The following CDH10 variants were observed in gnomAD, a reference collection of about 807,000 sequenced individuals.
The protein encoded by CDH10 is cadherin-10.
CDH10 carries 30 observed loss-of-function variants against 73.1 expected under a neutral mutation model. That is an observed-to-expected ratio of 0.41 (90% CI 0.31 to 0.56). The LOEUF is 0.56. Ranked by LOEUF, CDH10 falls within the 20% of genes least tolerant of loss-of-function variation. The pLI, the probability that CDH10 is intolerant of heterozygous loss-of-function variation, is 0.27. For missense variants in CDH10, 815 were observed against 973.7 expected (o/e 0.84, Z 2.17); for synonymous variants, 345 against 348.2 (o/e 0.99, Z 0.10).
chr5:24,529,880 T>G (rs1743669180), intron 5 of CDH10, among the ~76,000 whole-genome samples: 2 of 152,094 alleles, frequency 1.3e-5, no homozygotes, highest in South Asian at 4.2e-4. Flanking sequence ...AGCATGATTC[T>G]ATAAAAGCCA....
intron 7 of CDH10, among the ~76,000 whole-genome samples, chr5:24,509,240 CTTTTT>C (rs35903930): frequency 1.2e-5 from 1 of 85,326 alleles, no homozygotes; most frequent in Non-Finnish European, 2.0e-5. Flanking sequence ...CTCCTTTTTC[CTTTTT>C]TTTTTTTTTT....
At chr5:24,521,127 ACT>A (rs1482046261) in intron 5 of CDH10, among the ~76,000 whole-genome samples, 1 of 152,092 alleles carries the variant, frequency 6.6e-6, no homozygotes. Flanking sequence ...AGCAACAAAA[ACT>A]CAAACTCAAA....
At chr5:24,521,861 C>A (rs1743344547) in intron 5 of CDH10, among the ~76,000 whole-genome samples, 1 of 151,858 alleles carries the variant, frequency 6.6e-6, no homozygotes, top group Non-Finnish European at 1.5e-5. Context: ...GTAGGCCGTG[C>A]CAGGTGGCTC....
At chr5:24,554,527 C>A in intron 2 of CDH10, among the ~76,000 whole-genome samples, 1 of 122,324 alleles carries the variant, frequency 8.2e-6, no homozygotes, top group South Asian at 2.5e-4. Flanking sequence ...TGTGCACGTG[C>A]ATGATTTTTC....
intron 1 of CDH10, among the ~76,000 whole-genome samples, chr5:24,595,242 A>G (rs1746331235): frequency 1.3e-5 from 2 of 151,906 alleles, no homozygotes; most frequent in Non-Finnish European, 2.9e-5. Context: ...CTAATATGGC[A>G]ATGCATTATA....
chr5:24,560,771 C>T (rs1377756473), intron 2 of CDH10, among the ~76,000 whole-genome samples: 1 of 152,006 alleles, frequency 6.6e-6, no homozygotes, highest in Non-Finnish European at 1.5e-5. Flanking sequence ...CAACTTCAGC[C>T]TTTAAAATGT....
chr5:24,496,210 T>C (rs1038822057), intron 9 of CDH10, among the ~76,000 whole-genome samples: 1 of 152,170 alleles, frequency 6.6e-6, no homozygotes, highest in Non-Finnish European at 1.5e-5. Context: ...AAGGGAAATA[T>C]AAGCAGCATA....
chr5:24,505,984 C>T (rs149536493), intron 7 of CDH10, among the ~76,000 whole-genome samples: 2,216 of 151,878 alleles, frequency 0.015, 52 homozygotes, highest in African/African-American at 0.047. Flanking sequence ...TGTGGTGGCA[C>T]GTGCCTGTAG....
At chr5:24,522,872 A>T (rs182879803) in intron 5 of CDH10, among the ~76,000 whole-genome samples, 3 of 152,196 alleles carry the variant, frequency 2.0e-5, no homozygotes, top group African/African-American at 7.2e-5. Flanking sequence ...TTAACAGTAT[A>T]GCATTTTTGA....
intron 2 of CDH10, among the ~76,000 whole-genome samples, chr5:24,557,339 T>C (rs1847842): frequency 0.83 from 125,355 of 151,346 alleles, 51,957 homozygotes; most frequent in East Asian, 0.9. Context: ...GATTTTTTTC[T>C]TTCTACCAAT....
chr5:24,515,776 C>A (rs1176659780), intron 5 of CDH10, among the ~76,000 whole-genome samples: 2 of 152,076 alleles, frequency 1.3e-5, no homozygotes, highest in African/African-American at 2.4e-5. Flanking sequence ...TTGTAGCTCC[C>A]GCAATTCCCA....
rs963252580 is a variant in CDH10, at chr5:24,520,996, G to A, written c.815-9482C>T. 6.6e-5 allele frequency among the ~76,000 whole-genome samples: 10 copies of A among 151,940 alleles called. No individual in the cohort carries two copies. In the East Asian group the frequency reaches 7.8e-4, roughly 12 times the overall value. On this transcript the variant is annotated intron_variant, in intron 5 of 11. Coordinates refer to ENST00000264463, the MANE Select transcript of CDH10 (RefSeq NM_006727.5). ...TCGGCCTCCCAAAGCATGAGCCACC[G>A]TGCCCGGCCACAAATAATTTTCAAG...
In CDH10 at chr5:24,495,210, T is replaced by C. The variant is rs564480214; in HGVS notation, c.1516-2285A>G. Among the ~76,000 whole-genome samples, 4 of 152,298 alleles carry C rather than the reference T, an allele frequency of 2.6e-5. No individual in the cohort carries two copies. The South Asian group carries it at 8.3e-4, about 32-fold the overall frequency. ...CTGGAGACAAACTCATTTTGGTCCA[T>C]TTCCAATAAAAAAGTTTGCCATAAT... On this transcript the variant is annotated intron_variant, in intron 9 of 11. Transcript: ENST00000264463.
rs201423740 is a variant in CDH10 at position 24,511,412 on chromosome 5, T to C, written c.917A>G (p.Tyr306Cys). The C allele has an allele frequency of 6.2e-7, 1 of 1,611,796 alleles. No homozygotes were observed. Among genetic ancestry groups the C allele is most frequent in the Non-Finnish European group, 8.5e-7 (1 of 1,177,836 alleles). The change falls in exon 6 of 12, where the codon TAC becomes TGC. Residue 306 changes from tyrosine to cysteine, a missense_variant. Tyr to Cys is a radical substitution (Grantham distance 194). Around this residue, in one of 3 missense-constraint regions of CDH10, gnomAD observed 516 missense variants for 636.6 expected, o/e 0.81. Transcript: ENST00000264463. ...AGTACCGTCACCATCAATAATTCGGTATTCTACTTCAGCATTTTTCCCAGT... is the reference window on the plus strand; with the variant it reads ...AGTACCGTCACCATCAATAATTCGGCATTCTACTTCAGCATTTTTCCCAGT... ...ADTGKNAEVE[Y>C]RIIDGDGTDM...
chr5:24,534,548 T>C (rs1239060687), intron 5 of CDH10, among the ~76,000 whole-genome samples: 1 of 152,112 alleles, frequency 6.6e-6, no homozygotes, highest in African/African-American at 2.4e-5. Context: ...CAGTTCAAAA[T>C]AGATCTATGC....
At chr5:24,629,302 T>C (rs1747622626) in intron 1 of CDH10, among the ~76,000 whole-genome samples, 1 of 152,114 alleles carries the variant, frequency 6.6e-6, no homozygotes, top group Non-Finnish European at 1.5e-5. Flanking sequence ...CTAGTTACAA[T>C]TATGAATCTA....
At chr5:24,528,026 C>T (rs1018421126) in intron 5 of CDH10, among the ~76,000 whole-genome samples, 1 of 151,912 alleles carries the variant, frequency 6.6e-6, no homozygotes, top group East Asian at 1.9e-4. Flanking sequence ...AGTAGGGCTT[C>T]GGTCAATGTT....
rs1554028851 is a variant in CDH10 at position 24,644,834 on chromosome 5, G to GT, written c.-365_-364insA. ...TCAGTGCTTCTGATTAAGGGGAAAG[G>GT]AAAAAAAAAAAAAAGGAAAGGGGGG... On this transcript the variant is annotated 5_prime_UTR_variant, in exon 1 of 12. It removes the in-frame stop codon of an upstream open reading frame in the 5' UTR. Coordinates refer to ENST00000264463, the MANE Select transcript of CDH10 (RefSeq NM_006727.5). The GT allele has an allele frequency of 7.2e-6, 1 of 139,250 alleles. No individual in the cohort carries two copies. Among genetic ancestry groups the GT allele is most frequent in the Non-Finnish European group, 1.5e-5 (1 of 65,398 alleles). 8.6% of individuals were successfully genotyped at this position (139,250 alleles called of 1,614,324 possible). A position where few individuals can be genotyped will look rare whatever the true frequency, so the allele number is the denominator to read the frequency against.
At chr5:24,550,220 T>G (rs2111947677) in intron 2 of CDH10, among the ~76,000 whole-genome samples, 1 of 152,300 alleles carries the variant, frequency 6.6e-6, no homozygotes, top group South Asian at 2.1e-4. Flanking sequence ...TTTCAACCAG[T>G]GTGTGAAAAT....
Sources: gnomAD v4.1 joint callset for allele counts (sites outside exome capture counted in the v4.1 genomes callset) on GRCh38, gnomAD v4.1.1 for gene constraint, gnomAD v4.1.1 regional missense constraint, MANE v1.5 for transcripts, NCBI Gene and HGNC (gene_info 2026-07-23, HGNC 2026-07-21) for gene names.